The following ZNF624 variants were observed in gnomAD, a reference collection of about 807,000 sequenced individuals.
The protein encoded by ZNF624 is zinc finger protein 624.
In ZNF624, 43 loss-of-function variants were observed where a neutral mutation model predicts 74.7. The ratio of observed to expected loss-of-function variants is 0.58; its 90% confidence interval spans 0.45 to 0.74. The LOEUF is 0.74. Ranked by LOEUF, ZNF624 falls within the 30% of genes least tolerant of loss-of-function variation. The pLI, the probability that ZNF624 is intolerant of heterozygous loss-of-function variation, is 0.00. For missense variants in ZNF624, 820 were observed against 1,030.0 expected, an observed-to-expected ratio of 0.80 and a Z score of 2.79; for synonymous variants, 331 against 341.3, an observed-to-expected ratio of 0.97 and a Z score of 0.33.
At chr17:16,634,007 TCCTG>T (rs758985709) in intron 4 of ZNF624, 50 bp from the exon 5 acceptor site, 1 of 1,460,674 alleles carries the variant, frequency 6.8e-7, no homozygotes, top group Admixed American at 1.7e-5. Flanking sequence ...GAGCAAGAAC[TCCTG>T]CCAAATTCAG....
chr17:16,651,303 G>A (rs1047417810), intron 1 of ZNF624, among the ~76,000 whole-genome samples: 4 of 151,866 alleles, frequency 2.6e-5, no homozygotes, highest in African/African-American at 7.3e-5. Flanking sequence ...GGTGGTGCAC[G>A]CCTGTAGTCC....
intron 3 of ZNF624, among the ~76,000 whole-genome samples, chr17:16,643,547 G>C (rs1909515519): frequency 6.6e-6 from 1 of 152,086 alleles, no homozygotes; most frequent in African/African-American, 2.4e-5. Context: ...ACTGCTAGTG[G>C]GTATGGGGTT....
At position 16,621,791 on chromosome 17, in the gene ZNF624, G is replaced by A. The variant is rs1454094474; in HGVS notation, c.*497C>T. 6.6e-6 allele frequency: 1 copy of A among 152,526 alleles called. No individual in the cohort carries two copies. Among genetic ancestry groups the A allele is most frequent in the Admixed American group, 6.5e-5 (1 of 15,320 alleles). The allele number at this position is 152,526 out of a possible 1,614,324, so 9.4% of individuals were successfully genotyped here. On this transcript the variant is annotated 3_prime_UTR_variant, in exon 6 of 6. Coordinates refer to ENST00000311331, the MANE Select transcript of ZNF624 (RefSeq NM_020787.4). ...TACTACGTATAACCTAGGGATTAAG[G>A]AGATCTCTTTTAAGTAAAATGAGTA...
At position 16,622,289 on chromosome 17, in the gene ZNF624, T is replaced by TA. The variant is rs757494574; in HGVS notation, c.2596dup (p.Ter866LeufsTer9). 30 of 1,545,098 alleles carry TA rather than the reference T, an allele frequency of 1.9e-5. No homozygotes were observed. The highest frequency in any genetic ancestry group is 1.4e-5 in the African/African-American group (1 of 72,396). ...TCTAGGTGAATGACTTATTGTTCTT[T>TA]ATATTAACTGAGTTTCTCTTTGATG... On this transcript the variant is annotated frameshift_variant and stop_lost, in exon 6 of 6. Transcript: ENST00000311331. LOFTEE classifies it high-confidence loss of function.
At chr17:16,620,035 C>A (rs2142559237), downstream of ZNF624, among the ~76,000 whole-genome samples, 1 of 152,318 alleles carries the variant, frequency 6.6e-6, no homozygotes, top group East Asian at 1.9e-4. Flanking sequence ...GCCATTTTAA[C>A]CAGAATGTCA....
At chr17:16,630,584 T>C (rs1169040533) in intron 5 of ZNF624, among the ~76,000 whole-genome samples, 1 of 151,890 alleles carries the variant, frequency 6.6e-6, no homozygotes, top group Admixed American at 6.6e-5. Flanking sequence ...AACAATATAC[T>C]ACCTTAAAAA....
downstream of ZNF624, chr17:16,617,743 C>T: frequency 2.5e-6 from 4 of 1,603,158 alleles, no homozygotes; most frequent in Non-Finnish European, 3.4e-6. Flanking sequence ...TCGTCGGTGT[C>T]GCGGGAGTCC....
downstream of ZNF624, chr17:16,617,921 G>A (rs927270844): frequency 9.8e-6 from 13 of 1,325,150 alleles, no homozygotes; most frequent in African/African-American, 1.5e-4. Context: ...GTTGTGGAAC[G>A]GCGGACCGCA....
intron 3 of ZNF624, among the ~76,000 whole-genome samples, chr17:16,645,951 A>AAG (rs1392341897): frequency 6.6e-6 from 1 of 151,140 alleles, no homozygotes; most frequent in African/African-American, 2.4e-5. Context: ...ATCTCAAAAA[A>AAG]AAAAAAAAAA....
rs762470916 is a variant in ZNF624 at position 16,623,267 on chromosome 17, T to A, written c.1619A>T (p.Tyr540Phe). 1 of 1,613,978 alleles carries A rather than the reference T, an allele frequency of 6.2e-7. No individual in the cohort carries two copies. Among genetic ancestry groups the A allele is most frequent in the Non-Finnish European group, 8.5e-7 (1 of 1,179,890 alleles). ...TCTGTGGTGTACAGTAAGGCATGAA[T>A]AATTAATGAATGCTTTCCCACATTC... ...CNECGKAFIN[Y>F]SCLTVHHRMH... The change falls in exon 6 of 6, where the codon TAT (tyrosine) becomes TTT (phenylalanine). Residue 540 changes from tyrosine to phenylalanine, a missense_variant. By Grantham distance (22) the Tyr-to-Phe change is conservative (BLOSUM62 3). Coordinates refer to ENST00000311331, the MANE Select transcript of ZNF624 (RefSeq NM_020787.4). This position sits in a 1 kb window ranked among gnomAD's most constrained non-coding sequence, Gnocchi z 5.3.
chr17:16,635,189 T>C (rs898667312), intron 3 of ZNF624, among the ~76,000 whole-genome samples: 1 of 152,216 alleles, frequency 6.6e-6, no homozygotes, highest in African/African-American at 2.4e-5. Context: ...ATCTATAGAC[T>C]ATGACTTACT....
At chr17:16,616,804 G>A (rs926859223), downstream of ZNF624, 1 of 912,444 alleles carries the variant, frequency 1.1e-6, no homozygotes, top group African/African-American at 1.7e-5. Flanking sequence ...GCCTAAGCAG[G>A]AAAGTGTTCC....
At chr17:16,614,922 C>T in the ZNF624 span, among the ~76,000 whole-genome samples, 1 of 152,102 alleles carries the variant, frequency 6.6e-6, no homozygotes, top group Non-Finnish European at 1.5e-5. Flanking sequence ...ATCTTGAGGA[C>T]ATTATGCTAA....
rs1908989085 is a variant in ZNF624, at chr17:16,623,727, G to T, written c.1159C>A (p.Pro387Thr). 1 of 1,613,710 alleles carries T rather than the reference G, an allele frequency of 6.2e-7. No homozygotes were observed. Among genetic ancestry groups the T allele is most frequent in the Non-Finnish European group, 8.5e-7 (1 of 1,179,934 alleles). ...QHQRIQTGEK[P>T]YKCSECGKAF... ...TTCCCGCATTCACTACATTTATAGG[G>T]TTTCTCTCCAGTTTGAATTCTCTGG... The change falls in exon 6 of 6, where the codon CCC becomes ACC. Residue 387 changes from proline to threonine, a missense_variant. By Grantham distance (38) the Pro-to-Thr change is conservative. Coordinates refer to ENST00000311331, the MANE Select transcript of ZNF624 (RefSeq NM_020787.4). The surrounding 1 kb of genome is among the most constrained non-coding windows in gnomAD (Gnocchi z 5.3).
downstream of ZNF624, among the ~76,000 whole-genome samples, chr17:16,616,276 T>C (rs1322842806): frequency 1.3e-5 from 2 of 152,060 alleles, no homozygotes; most frequent in Admixed American, 1.3e-4. Context: ...CTTGCCTTGT[T>C]TACACTAAAG....
chr17:16,644,040 A>T (rs764327262), intron 3 of ZNF624, among the ~76,000 whole-genome samples: 15 of 152,262 alleles, frequency 9.9e-5, no homozygotes, highest in Middle Eastern at 3.4e-3. Context: ...GCTGGCTGTT[A>T]AAAAGAGCAT....
chr17:16,620,207 A>G (rs543914508), downstream of ZNF624, among the ~76,000 whole-genome samples: 1 of 152,260 alleles, frequency 6.6e-6, no homozygotes, highest in South Asian at 2.1e-4. Flanking sequence ...TTGGTCTGTT[A>G]GGGCCTTCTG....
Position 16,633,939 on chromosome 17 carries a change from G to GGT in ZNF624, c.297_298dup (p.Pro100HisfsTer4). 6.2e-7 allele frequency: 1 copy of GGT among 1,613,272 alleles called. No homozygotes were observed. Among genetic ancestry groups the GGT allele is most frequent in the Non-Finnish European group, 8.5e-7 (1 of 1,179,588 alleles). ...ATTCTCCAAATGAGATATCATGTCT[G>GGT]GTTTGGAAACTGCAAGCCCTGTCCA... On this transcript the variant is annotated frameshift_variant, in exon 5 of 6. Coordinates refer to ENST00000311331, the MANE Select transcript of ZNF624 (RefSeq NM_020787.4). LOFTEE classifies it high-confidence loss of function.
intron 1 of ZNF624, among the ~76,000 whole-genome samples, chr17:16,651,409 G>A (rs1406370394): frequency 4.8e-5 from 7 of 144,882 alleles, no homozygotes; most frequent in South Asian, 2.2e-4. Flanking sequence ...CTGCCTGGGC[G>A]ACACAGCGAG....
Sources: gnomAD v4.1 joint callset for allele counts (sites outside exome capture counted in the v4.1 genomes callset) on GRCh38, gnomAD v4.1.1 for gene constraint, Gnocchi (gnomAD v3.1) non-coding constraint, MANE v1.5 for transcripts, NCBI Gene and HGNC (gene_info 2026-07-23, HGNC 2026-07-21) for gene names.